Variants in SGCG observed in about 807,000 individuals in gnomAD.
The protein encoded by SGCG is gamma-sarcoglycan.
In SGCG, 26 loss-of-function variants were observed where a neutral mutation model predicts 29.3. That is an observed-to-expected ratio of 0.89 (90% CI 0.65 to 1.23). The LOEUF is 1.23. SGCG is among the 50% of genes most tolerant of loss of function. SGCG has a pLI of 0.00. For missense variants in SGCG, 353 were observed against 356.0 expected (o/e 0.99, Z 0.07); for synonymous variants, 145 against 129.7 (o/e 1.12, Z -0.80).
intron 4 of SGCG, among the ~76,000 whole-genome samples, chr13:23,274,395 C>CTTTTTT (rs869153381): frequency 1.6e-3 from 137 of 85,208 alleles, no homozygotes; most frequent in East Asian, 3.1e-3. Context: ...CTTTCTTTCT[C>CTTTTTT]TTTTTTTTTT....
At chr13:23,260,133 T>G (rs1455825706) in intron 4 of SGCG, among the ~76,000 whole-genome samples, 1 of 152,150 alleles carries the variant, frequency 6.6e-6, no homozygotes, top group Non-Finnish European at 1.5e-5. Context: ...TGTCTAATAT[T>G]GACAGTGGGG....
rs1331089583 is a variant in SGCG at position 23,324,725 on chromosome 13, C to T, written c.*184C>T. The T allele has an allele frequency of 3.2e-6, 2 of 620,822 alleles. No individual in the cohort carries two copies. The highest frequency in any genetic ancestry group is 2.6e-5 in the Admixed American group (1 of 38,172). 38.5% of individuals were successfully genotyped at this position (620,822 alleles called of 1,614,324 possible). A position where few individuals can be genotyped will look rare whatever the true frequency, so the allele number is the denominator to read the frequency against. On this transcript the variant is annotated 3_prime_UTR_variant, in exon 8 of 8. Coordinates refer to ENST00000218867, the MANE Select transcript of SGCG (RefSeq NM_000231.3). ...AAAAACTACATGATCTCAAAATGCA[C>T]GTGGATGTGAGACACAAAAGTTGAC... is the stretch of plus-strand genomic sequence containing the variant.
At position 23,223,017 on chromosome 13, in the gene SGCG, G is replaced by A. The variant is rs541246077; in HGVS notation, c.196-11594G>A. 9.9e-5 allele frequency among the ~76,000 whole-genome samples: 15 copies of A among 152,118 alleles called. 1 individual carries two copies. Among genetic ancestry groups the A allele is most frequent in the East Asian group, 3.9e-4 (2 of 5,156 alleles). On this transcript the variant is annotated intron_variant, in intron 2 of 7. Coordinates refer to ENST00000218867, the MANE Select transcript of SGCG (RefSeq NM_000231.3). Reference sequence around the variant, plus strand: ...AAATAGGCTGGGCACAGTGGCTCACGCCTGTAATCCCAGCACTTTGGGAGG... The same window carrying A: ...AAATAGGCTGGGCACAGTGGCTCACACCTGTAATCCCAGCACTTTGGGAGG...
intron 2 of SGCG, among the ~76,000 whole-genome samples, chr13:23,207,573 G>A (rs990485429): frequency 5.9e-5 from 9 of 152,118 alleles, no homozygotes; most frequent in Non-Finnish European, 4.4e-5. Context: ...TAACTGATAA[G>A]GGGTTAATTT....
chr13:23,280,883 C>G (rs969789414), intron 5 of SGCG, among the ~76,000 whole-genome samples: 13 of 152,334 alleles, frequency 8.5e-5, no homozygotes, highest in Admixed American at 5.9e-4. Flanking sequence ...CCCAAGCCCT[C>G]CTACTCAGAG....
chr13:23,179,961 A>G (rs2058083132), upstream of SGCG, among the ~76,000 whole-genome samples: 1 of 152,140 alleles, frequency 6.6e-6, no homozygotes, highest in African/African-American at 2.4e-5. Context: ...TTGATGTACA[A>G]ATAATTTCAT....
intron 1 of SGCG, among the ~76,000 whole-genome samples, chr13:23,195,603 A>C (rs867226350): frequency 6.6e-6 from 1 of 152,016 alleles, no homozygotes; most frequent in Non-Finnish European, 1.5e-5. Context: ...TTAAAATGGC[A>C]GAGTTTGCCA....
chr13:23,202,040 G>A (rs1328441503), intron 1 of SGCG, among the ~76,000 whole-genome samples: 3 of 152,204 alleles, frequency 2.0e-5, no homozygotes. Context: ...GGACCAGCAG[G>A]GGCAGACCAA....
upstream of SGCG, among the ~76,000 whole-genome samples, chr13:23,178,843 G>C (rs1418590246): frequency 6.6e-6 from 1 of 152,168 alleles, no homozygotes. Flanking sequence ...GCCAGAAACA[G>C]GGTTATCAAT....
chr13:23,196,068 T>C (rs949085830), intron 1 of SGCG, among the ~76,000 whole-genome samples: 1 of 152,088 alleles, frequency 6.6e-6, no homozygotes, highest in Non-Finnish European at 1.5e-5. Context: ...TATGTATATA[T>C]TCTAAGTTTT....
At chr13:23,313,469 CT>C (rs1353104263) in intron 6 of SGCG, among the ~76,000 whole-genome samples, 1 of 152,062 alleles carries the variant, frequency 6.6e-6, no homozygotes, top group African/African-American at 2.4e-5. Context: ...CTGGCCTTCT[CT>C]TTTTTTAAAA....
intron 6 of SGCG, among the ~76,000 whole-genome samples, chr13:23,303,537 G>A (rs565300545): frequency 1.3e-5 from 2 of 152,336 alleles, no homozygotes; most frequent in Admixed American, 6.5e-5. Context: ...AAAGAGATCC[G>A]AGAGTGGGGA....
rs889947157 is a variant in SGCG at position 23,210,624 on chromosome 13, G to T, written c.195+6735G>T. 3.3e-5 allele frequency among the ~76,000 whole-genome samples: 5 copies of T among 152,128 alleles called. No homozygotes were observed. The South Asian group carries it at 1.0e-3, about 32-fold the overall frequency. ...GAGAATGCGGTGAACCCGGGAGGCG[G>T]AGCTTGCAGTGAGCCGAGATCATGC... On this transcript the variant is annotated intron_variant, in intron 2 of 7. Coordinates refer to ENST00000218867, the MANE Select transcript of SGCG (RefSeq NM_000231.3).
chr13:23,319,299 C>A (rs1201385655), intron 6 of SGCG, among the ~76,000 whole-genome samples: 42 of 132,724 alleles, frequency 3.2e-4, no homozygotes, highest in Admixed American at 5.3e-4. Context: ...GACTCCGTCT[C>A]AAAAAAAAAA....
chr13:23,310,287 C>T (rs997647381), intron 6 of SGCG, among the ~76,000 whole-genome samples: 15 of 151,830 alleles, frequency 9.9e-5, no homozygotes, highest in Non-Finnish European at 1.6e-4. Flanking sequence ...GGGGTTTCAC[C>T]CTATTAGCCA....
At chr13:23,180,021 C>T (rs983746447), upstream of SGCG, among the ~76,000 whole-genome samples, 6 of 152,068 alleles carry the variant, frequency 3.9e-5, no homozygotes, top group Non-Finnish European at 8.8e-5. Context: ...CGAACCCCAC[C>T]TTTCTCCCTC....
chr13:23,308,173 A>C (rs985492558), intron 6 of SGCG, among the ~76,000 whole-genome samples: 3 of 152,232 alleles, frequency 2.0e-5, no homozygotes, highest in Admixed American at 2.0e-4. Flanking sequence ...AACTTTCAGG[A>C]ACTTGGGTGT....
chr13:23,258,022 C>T (rs921985510), intron 4 of SGCG, among the ~76,000 whole-genome samples: 8 of 152,102 alleles, frequency 5.3e-5, no homozygotes, highest in African/African-American at 1.9e-4. Flanking sequence ...ATTGTCTTGG[C>T]AATGCAGGCT....
chr13:23,324,255 T>G, intron 7 of SGCG, 113 bp from the exon 8 acceptor site: 1 of 953,734 alleles, frequency 1.0e-6, no homozygotes, highest in Non-Finnish European at 1.7e-6. Context: ...CAGGTGCCTA[T>G]TTTGTTTTCT....
Sources: gnomAD v4.1 joint callset for allele counts (sites outside exome capture counted in the v4.1 genomes callset) on GRCh38, gnomAD v4.1.1 for gene constraint, MANE v1.5 for transcripts, NCBI Gene and HGNC (gene_info 2026-07-23, HGNC 2026-07-21) for gene names.